CDCP2: variants seen among roughly 807,000 people sequenced by gnomAD.
CDCP2 encodes the protein CUB domain containing protein 2.
A neutral mutation model predicts 31.0 loss-of-function variants in CDCP2; 31 were observed. That is an observed-to-expected ratio of 1.00 (90% CI 0.75 to 1.35). The LOEUF (loss-of-function observed/expected upper bound fraction) is 1.35, where lower values mean the gene tolerates loss of function less well. CDCP2 is among the 40% of genes most tolerant of loss of function. The pLI, the probability that CDCP2 is intolerant of heterozygous loss-of-function variation, is 0.00. For missense variants in CDCP2, 443 were observed against 482.6 expected (o/e 0.92, Z 0.77); for synonymous variants, 206 against 207.9 (o/e 0.99, Z 0.08).
exon 2 of CDCP2, chr1:54,144,487 A>T: frequency 6.3e-7 from 1 of 1,583,768 alleles, no homozygotes; most frequent in Non-Finnish European, 8.6e-7. Flanking sequence ...CCCGCAGAAA[A>T]GCCATGGCTG....
At chr1:54,151,380 A>G (rs1659580952) in intron 1 of CDCP2, among the ~76,000 whole-genome samples, 1 of 152,190 alleles carries the variant, frequency 6.6e-6, no homozygotes, top group East Asian at 1.9e-4. Context: ...ACAAATAGAT[A>G]TTCTGTCCAA....
chr1:54,133,642 A>T lies in CDCP2; in HGVS notation c.1297-348T>A, dbSNP rs568077193. ...CCGGGTGCGGTGGCTCACGCCTGTAATCCCAGCACTGTGGGAGGCCAAGGC... is the reference window on the plus strand; with the variant it reads ...CCGGGTGCGGTGGCTCACGCCTGTATTCCCAGCACTGTGGGAGGCCAAGGC... On this transcript the variant is annotated intron_variant, in intron 5 of 5. Coordinates refer to ENST00000530059, the Ensembl canonical transcript of CDCP2. 3.9e-5 allele frequency among the ~76,000 whole-genome samples: 6 copies of T among 152,284 alleles called. No individual in the cohort carries two copies. In the East Asian group the frequency reaches 1.2e-3, roughly 29 times the overall value.
chr1:54,139,435 G>A, intron 4 of CDCP2: 1 of 1,099,410 alleles, frequency 9.1e-7, no homozygotes, highest in Non-Finnish European at 1.3e-6. Context: ...TATTTCCCCT[G>A]GATACAGGGG....
intron 5 of CDCP2, 25 bp downstream of exon 5, chr1:54,136,605 G>T (rs965975409): frequency 2.5e-6 from 1 of 399,264 alleles, no homozygotes; most frequent in South Asian, 1.3e-4. Flanking sequence ...CCTCCCTTGT[G>T]ACTGCCCCTT....
exon 4 of CDCP2, chr1:54,139,873 C>G (rs1302857838): frequency 6.2e-7 from 1 of 1,614,090 alleles, no homozygotes; most frequent in East Asian, 2.2e-5. Flanking sequence ...CACCAATTCC[C>G]CAGCAGGGGT....
In CDCP2 at chr1:54,136,693, G is replaced by GCA. The variant is rs1659263486; in HGVS notation, c.1232_1233insTG (p.Gln412AlafsTer29). 2.5e-6 allele frequency: 1 copy of GCA among 399,162 alleles called. No homozygotes were observed. The highest frequency in any genetic ancestry group is 4.4e-6 in the Non-Finnish European group (1 of 226,144). 24.7% of individuals were successfully genotyped at this position (399,162 alleles called of 1,614,324 possible). On this transcript the variant is annotated frameshift_variant, in exon 5 of 6. Transcript: ENST00000530059. LOFTEE classifies it high-confidence loss of function. Reference sequence around the variant, plus strand: ...TCCTGAGGTTGCCGCCGACCTCCTGGGCGGCACAGCTCCGGCTGCCCAGGT... The same window carrying GCA: ...TCCTGAGGTTGCCGCCGACCTCCTGGCAGCGGCACAGCTCCGGCTGCCCAGGT...
At chr1:54,134,296 C>T (rs1459415844) in intron 5 of CDCP2, among the ~76,000 whole-genome samples, 1 of 152,218 alleles carries the variant, frequency 6.6e-6, no homozygotes, top group East Asian at 1.9e-4. Flanking sequence ...GCCGTTGAGC[C>T]CCTGGCCACC....
At chr1:54,144,283 G>T (rs894547097) in intron 2 of CDCP2, 183 bp downstream of exon 2, 7 of 585,140 alleles carry the variant, frequency 1.2e-5, no homozygotes, top group Admixed American at 3.2e-5. Context: ...AAGATGCTGA[G>T]ACCCTGTAGG....
upstream of CDCP2, chr1:54,152,923 C>T (rs1348202459): frequency 6.2e-7 from 1 of 1,614,034 alleles, no homozygotes; most frequent in Non-Finnish European, 8.5e-7. Flanking sequence ...CTGCCAGCAT[C>T]TCCTCACCAG....
chr1:54,140,876 G>A, intron 3 of CDCP2: 1 of 434,296 alleles, frequency 2.3e-6, no homozygotes, highest in Non-Finnish European at 4.1e-6. Flanking sequence ...TATATAAGGA[G>A]TTGAAAAAAG....
intron 1 of CDCP2, 62 bp from the exon 2 acceptor site, chr1:54,144,875 G>C: frequency 7.6e-7 from 1 of 1,310,150 alleles, no homozygotes; most frequent in Non-Finnish European, 1.0e-6. Flanking sequence ...ATGTGGTAAG[G>C]GCAGTGGGCC....
chr1:54,150,146 G>T (rs966635308), intron 1 of CDCP2, among the ~76,000 whole-genome samples: 2 of 152,244 alleles, frequency 1.3e-5, no homozygotes, highest in Non-Finnish European at 2.9e-5. Context: ...CCCGCAGGGT[G>T]AGCATGTGCT....
intron 5 of CDCP2, among the ~76,000 whole-genome samples, chr1:54,133,723 C>T (rs570273492): frequency 1.5e-4 from 23 of 152,074 alleles, no homozygotes; most frequent in African/African-American, 5.1e-4. Context: ...CATGAAACCC[C>T]ATCTCTACTA....
intron 1 of CDCP2, among the ~76,000 whole-genome samples, chr1:54,150,478 C>T (rs1240471027): frequency 6.6e-6 from 1 of 151,970 alleles, no homozygotes. Flanking sequence ...GTCTGTAATC[C>T]CAGCTACTCA....
chr1:54,145,539 G>A (rs181357369), intron 1 of CDCP2, among the ~76,000 whole-genome samples: 194 of 152,254 alleles, frequency 1.3e-3, no homozygotes, highest in African/African-American at 4.5e-3. Context: ...GGCAGGGCCC[G>A]AGAATTTTAG....
exon 3 of CDCP2, chr1:54,141,217 T>G (rs890586765): frequency 6.2e-7 from 1 of 1,612,740 alleles, no homozygotes; most frequent in Admixed American, 1.7e-5. Context: ...ACAGTAGTGG[T>G]GCCCACGGGT....
chr1:54,152,983 G>T, upstream of CDCP2: 4 of 1,512,338 alleles, frequency 2.6e-6, no homozygotes, highest in Non-Finnish European at 2.8e-6. Context: ...CTCAGGGTCC[G>T]GAGCAAGGGA....
intron 1 of CDCP2, among the ~76,000 whole-genome samples, chr1:54,145,716 A>G (rs1388812428): frequency 6.6e-6 from 1 of 152,226 alleles, no homozygotes; most frequent in Non-Finnish European, 1.5e-5. Context: ...AAAACAATGG[A>G]AGGAAACTAA....
chr1:54,137,435 AG>A (rs1659276436), intron 4 of CDCP2, among the ~76,000 whole-genome samples: 1 of 152,180 alleles, frequency 6.6e-6, no homozygotes, highest in South Asian at 2.1e-4. Context: ...AAGGGTGGTA[AG>A]GGAAGCCTCA....
Sources: gnomAD v4.1 joint callset for allele counts (sites outside exome capture counted in the v4.1 genomes callset) on GRCh38, gnomAD v4.1.1 for gene constraint, MANE v1.5 for transcripts, NCBI Gene and HGNC (gene_info 2026-07-23, HGNC 2026-07-21) for gene names.